The following HYDIN variants were observed in gnomAD, a reference collection of about 807,000 sequenced individuals.
HYDIN encodes HYDIN axonemal central pair apparatus protein, also known as axonemal central pair apparatus protein HYDIN.
HYDIN carries 132 observed loss-of-function variants against 403.9 expected under a neutral mutation model. That is an observed-to-expected ratio of 0.33 (90% CI 0.28 to 0.38). The LOEUF is 0.38. HYDIN is among the 10% of genes least tolerant of loss of function. HYDIN has a pLI of 1.00. For synonymous variants in HYDIN, 1,202 were observed against 1,891.7 expected, an observed-to-expected ratio of 0.64 and a Z score of 9.46; for missense variants, 2,827 against 5,009.5, an observed-to-expected ratio of 0.56 and a Z score of 13.15.
chr16:70,874,740 G>T, intron 63 of HYDIN, 77 bp downstream of exon 63: 2 of 1,492,462 alleles, frequency 1.3e-6, no homozygotes, highest in Non-Finnish European at 1.8e-6. Context: ...TTCCCCTCTG[G>T]CTGGGCCTTG....
chr16:70,836,655 C>T (rs2037446094), intron 77 of HYDIN, among the ~76,000 whole-genome samples: 1 of 152,226 alleles, frequency 6.6e-6, no homozygotes, highest in South Asian at 2.1e-4. Flanking sequence ...GAGCAGCACC[C>T]ACTGGTCACT....
Position 71,230,632 on chromosome 16 carries a change from AC to A in HYDIN, c.-95del, listed in dbSNP as rs2041241954. The A allele has an allele frequency of 2.0e-6, 3 of 1,535,562 alleles. No individual in the cohort carries two copies. The highest frequency in any genetic ancestry group is 3.9e-5 in the Admixed American group (2 of 50,930). On this transcript the variant is annotated 5_prime_UTR_variant, in exon 1 of 86. An upstream open reading frame in the 5' UTR gains an earlier in-frame stop. Coordinates refer to ENST00000393567, the MANE Select transcript of HYDIN (RefSeq NM_001270974.2). Reference sequence around the variant, plus strand: ...CCAAGACCCCGCGTCCAACTCACAGACCCCGCCGCCGCTGAGGGGCTCCATA... The same window carrying A: ...CCAAGACCCCGCGTCCAACTCACAGACCCGCCGCCGCTGAGGGGCTCCATA...
chr16:70,825,146 A>C (rs2036514235), intron 83 of HYDIN, among the ~76,000 whole-genome samples: 1 of 152,250 alleles, frequency 6.6e-6, no homozygotes, highest in Non-Finnish European at 1.5e-5. Flanking sequence ...ATTGACAATC[A>C]TTCTCACTCT....
chr16:70,841,007 T>G (rs1036447530), intron 75 of HYDIN, among the ~76,000 whole-genome samples: 6 of 152,138 alleles, frequency 3.9e-5, no homozygotes, highest in African/African-American at 1.4e-4. Context: ...CTAAGCATCA[T>G]TAGAATAAAC....
At chr16:71,047,475 T>C (rs2144219109) in intron 18 of HYDIN, among the ~76,000 whole-genome samples, 1 of 152,296 alleles carries the variant, frequency 6.6e-6, no homozygotes, top group South Asian at 2.1e-4. Context: ...AGCTCTCTGT[T>C]AAGCACAAAC....
At position 70,920,845 on chromosome 16, in the gene HYDIN, G is replaced by C. The variant is rs774441724; in HGVS notation, c.7531C>G (p.Arg2511Gly). The change falls in exon 46 of 86, where the codon CGG becomes GGG. Residue 2511 changes from arginine to glycine, a missense_variant. Arg to Gly is a moderately radical substitution (Grantham distance 125). Transcript: ENST00000393567. ...TCCTTCTCCAGGCGCTCTCTCTCCC[G>C]GTCCTTGCGGCCCCTGCGCCCACCC... is the stretch of plus-strand genomic sequence containing the variant. ...PLGGRRGRKDRERERLEKERT... is the reference protein window; with the variant it reads ...PLGGRRGRKDGERERLEKERT... 25 of 1,587,134 alleles carry C rather than the reference G, an allele frequency of 1.6e-5. No homozygotes were observed. Among genetic ancestry groups the C allele is most frequent in the Non-Finnish European group, 2.1e-5 (24 of 1,165,950 alleles).
chr16:71,182,448 A>G (rs1359555494), intron 3 of HYDIN, among the ~76,000 whole-genome samples: 1 of 152,114 alleles, frequency 6.6e-6, no homozygotes, highest in East Asian at 1.9e-4. Context: ...ATGATTAAAG[A>G]CACATTTGTG....
At chr16:71,185,148 A>G (rs1393154330) in intron 2 of HYDIN, among the ~76,000 whole-genome samples, 158 bp from the exon 3 acceptor site, 1 of 152,228 alleles carries the variant, frequency 6.6e-6, no homozygotes, top group Non-Finnish European at 1.5e-5. Flanking sequence ...TAAGTAAATT[A>G]TATAAGAGAA....
chr16:70,875,941 A>G (rs564612475), intron 62 of HYDIN, among the ~76,000 whole-genome samples: 14 of 152,356 alleles, frequency 9.2e-5, no homozygotes, highest in African/African-American at 3.4e-4. Context: ...AATAATGGAA[A>G]CGATGCAGGG....
Position 70,920,820 on chromosome 16 carries a change from T to C in HYDIN, c.7556A>G (p.Glu2519Gly), listed in dbSNP as rs964632831. 3 of 1,570,174 alleles carry C rather than the reference T, an allele frequency of 1.9e-6. No homozygotes were observed. Among genetic ancestry groups the C allele is most frequent in the African/African-American group, 2.7e-5 (2 of 73,720 alleles). Reference sequence around the variant, plus strand: ...CTCCAGGCGCTCCTTCTCCGTGCGCTCCTTCTCCAGGCGCTCTCTCTCCCG... The same window carrying C: ...CTCCAGGCGCTCCTTCTCCGTGCGCCCCTTCTCCAGGCGCTCTCTCTCCCG... ...KDRERERLEK[E>G]RTEKERLERE... Residue 2519 changes from glutamate to glycine, a missense_variant, in exon 46 of 86, where the codon GAG becomes GGG. Glu to Gly is a moderately conservative substitution (Grantham distance 98). Coordinates refer to ENST00000393567, the MANE Select transcript of HYDIN (RefSeq NM_001270974.2).
intron 1 of HYDIN, among the ~76,000 whole-genome samples, chr16:71,222,245 T>C (rs2040837187): frequency 6.6e-6 from 1 of 152,144 alleles, no homozygotes. Flanking sequence ...CCATAGATTA[T>C]CTCAGTAGAT....
intron 30 of HYDIN, among the ~76,000 whole-genome samples, chr16:70,978,152 T>A (rs1438057330): frequency 6.6e-6 from 1 of 151,662 alleles, no homozygotes; most frequent in Non-Finnish European, 1.5e-5. Flanking sequence ...AAGACCTCGC[T>A]TCTCCTCCTG....
chr16:71,029,843 A>C (rs1164648851), intron 19 of HYDIN, among the ~76,000 whole-genome samples: 1 of 152,124 alleles, frequency 6.6e-6, no homozygotes, highest in Non-Finnish European at 1.5e-5. Context: ...TCACATCTCC[A>C]AGCACAGCAT....
intron 9 of HYDIN, among the ~76,000 whole-genome samples, chr16:71,126,195 G>A (rs950023354): frequency 2.6e-5 from 4 of 152,226 alleles, no homozygotes; most frequent in African/African-American, 7.2e-5. Context: ...CTAAAGCACA[G>A]TAGGTTGGTC....
intron 23 of HYDIN, among the ~76,000 whole-genome samples, chr16:71,007,268 C>T (rs2079918341): frequency 6.6e-6 from 1 of 152,128 alleles, no homozygotes; most frequent in Non-Finnish European, 1.5e-5. Context: ...CCTTGTGCCC[C>T]ATGAACGGTT....
intron 10 of HYDIN, chr16:71,113,700 C>T (rs1015569413): frequency 6.6e-6 from 1 of 150,724 alleles, no homozygotes; most frequent in African/African-American, 2.4e-5. Flanking sequence ...CTTAAGTGAT[C>T]CTCCCACTTT....
At chr16:70,948,433 C>T (rs1597390816) in intron 41 of HYDIN, among the ~76,000 whole-genome samples, 1 of 151,142 alleles carries the variant, frequency 6.6e-6, no homozygotes, top group African/African-American at 2.4e-5. Flanking sequence ...AAAGCAATGG[C>T]AACAAAAGCC....
chr16:71,192,660 C>A (rs1485532859), intron 1 of HYDIN, among the ~76,000 whole-genome samples: 3 of 152,076 alleles, frequency 2.0e-5, no homozygotes, highest in African/African-American at 7.2e-5. Flanking sequence ...GTGAATGACT[C>A]CCAAGGCTGC....
intron 42 of HYDIN, 150 bp from the exon 43 acceptor site, chr16:70,941,969 C>T (rs2077689636): frequency 2.9e-6 from 1 of 343,414 alleles, no homozygotes; most frequent in Non-Finnish European, 5.1e-6. Context: ...AAGGTGCTGT[C>T]ATAAAATAAA....
Sources: gnomAD v4.1 joint callset for allele counts (sites outside exome capture counted in the v4.1 genomes callset) on GRCh38, gnomAD v4.1.1 for gene constraint, MANE v1.5 for transcripts, NCBI Gene and HGNC (gene_info 2026-07-23, HGNC 2026-07-21) for gene names.